Variants in COBLL1 observed in about 807,000 individuals in gnomAD.
COBLL1 encodes cordon-bleu WH2 repeat protein like 1, also known as cordon-bleu protein-like 1.
COBLL1 carries 50 observed loss-of-function variants against 94.8 expected under a neutral mutation model. The ratio of observed to expected loss-of-function variants is 0.53; its 90% CI spans 0.42 to 0.67. The LOEUF is 0.67. Among genes scored for constraint, COBLL1 ranks in the 30% least tolerant of loss-of-function variants. COBLL1 has a pLI of 0.00. For missense variants in COBLL1, 1,362 were observed against 1,348.7 expected (o/e 1.01, Z -0.15); for synonymous variants, 448 against 473.8 (o/e 0.95, Z 0.71).
rs151149474 is a variant in COBLL1, at chr2:164,736,360, C to T, written c.231-6245G>A. On this transcript the variant is annotated intron_variant, in intron 3 of 13. Coordinates refer to ENST00000652658, the MANE Select transcript of COBLL1 (RefSeq NM_001365672.2). The stretch of plus-strand genomic sequence containing the variant: ...TACCAGGTACACGAAACAAATAGAC[C>T]CATTCTCAAAATTGAGAATGCTTAT... 2.0e-3 allele frequency among the ~76,000 whole-genome samples: 306 copies of T among 151,906 alleles called. 1 individual carries two copies. Among genetic ancestry groups the T allele is most frequent in the African/African-American group, 6.3e-3 (260 of 41,420 alleles).
chr2:164,690,647 A>T (rs1014781612), intron 13 of COBLL1, among the ~76,000 whole-genome samples: 1 of 152,312 alleles, frequency 6.6e-6, no homozygotes, highest in Admixed American at 6.5e-5. Flanking sequence ...AAGGCATCGC[A>T]ATCAGTTTCT....
At chr2:164,760,908 A>G (rs761899204) in intron 2 of COBLL1, among the ~76,000 whole-genome samples, 4 of 152,174 alleles carry the variant, frequency 2.6e-5, no homozygotes, top group Non-Finnish European at 5.9e-5. Flanking sequence ...AATCTAGCAC[A>G]TTACAGTTTG....
chr2:164,731,985 T>C (rs1167786080), intron 3 of COBLL1, among the ~76,000 whole-genome samples: 1 of 152,098 alleles, frequency 6.6e-6, no homozygotes, highest in Non-Finnish European at 1.5e-5. Context: ...ACACGTTACA[T>C]AGATTTCAGA....
chr2:164,749,778 T>C (rs1448826174), intron 2 of COBLL1, among the ~76,000 whole-genome samples: 3 of 152,172 alleles, frequency 2.0e-5, no homozygotes, highest in African/African-American at 7.2e-5. Context: ...ACCCAAAACA[T>C]TATATGACTC....
At chr2:164,751,438 A>G (rs1193752756) in intron 2 of COBLL1, among the ~76,000 whole-genome samples, 2 of 152,018 alleles carry the variant, frequency 1.3e-5, no homozygotes, top group Non-Finnish European at 2.9e-5. Context: ...TAGTTTCATC[A>G]GTTCATAGGA....
intron 7 of COBLL1, chr2:164,705,410 A>T (rs2105457532): frequency 4.7e-6 from 1 of 211,658 alleles, no homozygotes; most frequent in East Asian, 1.0e-4. Flanking sequence ...TTAAAGAAAA[A>T]TCTGGAGACA....
chr2:164,712,981 T>C (rs1268717417), intron 7 of COBLL1, among the ~76,000 whole-genome samples: 2 of 152,156 alleles, frequency 1.3e-5, no homozygotes, highest in Non-Finnish European at 2.9e-5. Context: ...TGGCTTGTAT[T>C]GTATGAAAGC....
At chr2:164,784,952 A>T (rs944184776) in intron 2 of COBLL1, among the ~76,000 whole-genome samples, 5 of 151,968 alleles carry the variant, frequency 3.3e-5, no homozygotes, top group Admixed American at 6.6e-5. Context: ...CTAATGAGAG[A>T]TGTTTAGGTC....
intron 2 of COBLL1, among the ~76,000 whole-genome samples, chr2:164,797,456 G>A (rs3769910): frequency 0.36 from 54,230 of 151,918 alleles, 9,891 homozygotes; most frequent in Admixed American, 0.41. Context: ...GAATTCAGTA[G>A]GTAAATCAAC....
chr2:164,779,413 G>A (rs1470876430), intron 2 of COBLL1, among the ~76,000 whole-genome samples: 1 of 152,026 alleles, frequency 6.6e-6, no homozygotes, highest in East Asian at 1.9e-4. Context: ...GAAAAGCCAG[G>A]GAAGTTCCTT....
intron 7 of COBLL1, among the ~76,000 whole-genome samples, chr2:164,714,359 A>G (rs1685057555): frequency 7.7e-6 from 1 of 129,122 alleles, no homozygotes; most frequent in Non-Finnish European, 1.6e-5. Flanking sequence ...GCTCAATGGT[A>G]CATCTTGGAT....
chr2:164,727,054 A>C, intron 5 of COBLL1: 2 of 940,058 alleles, frequency 2.1e-6, no homozygotes, highest in South Asian at 3.5e-5. Context: ...GCTTAATTTC[A>C]ATATATCCAA....
At chr2:164,766,074 C>A (rs979222076) in intron 2 of COBLL1, among the ~76,000 whole-genome samples, 3 of 152,086 alleles carry the variant, frequency 2.0e-5, no homozygotes, top group African/African-American at 7.2e-5. Flanking sequence ...ATGGCTTCTT[C>A]CACTGAAGCA....
chr2:164,688,585 G>T (rs999302278), intron 13 of COBLL1, among the ~76,000 whole-genome samples: 2 of 151,992 alleles, frequency 1.3e-5, no homozygotes, highest in African/African-American at 2.4e-5. Context: ...GCATTTTTAG[G>T]AATTTCACAT....
Position 164,704,504 on chromosome 2 carries a change from C to A in COBLL1, c.1165G>T (p.Asp389Tyr). 6.2e-7 allele frequency: 1 copy of A among 1,613,198 alleles called. No individual in the cohort carries two copies. The highest frequency in any genetic ancestry group is 8.5e-7 in the Non-Finnish European group (1 of 1,179,210). ...GAAGCACTGTCTGGAGGAACTCCATCTACTGGCTGTAAGGCTAAAGGAAAG... is the reference window on the plus strand; with the variant it reads ...GAAGCACTGTCTGGAGGAACTCCATATACTGGCTGTAAGGCTAAAGGAAAG... ...NSRVTALQPV[D>Y]GVPPDSASEA... Residue 389 changes from aspartate (D) to tyrosine (Y), a missense_variant, in exon 9 of 14, where the codon GAT (aspartate) becomes TAT (tyrosine). By Grantham distance (160) the Asp-to-Tyr change is radical (BLOSUM62 -3). Coordinates refer to ENST00000652658, the MANE Select transcript of COBLL1 (RefSeq NM_001365672.2).
At chr2:164,717,734 A>C (rs1242419647) in intron 7 of COBLL1, among the ~76,000 whole-genome samples, 1 of 151,808 alleles carries the variant, frequency 6.6e-6, no homozygotes, top group African/African-American at 2.4e-5. Flanking sequence ...ATTTTATTTT[A>C]TTATTTTTTG....
At chr2:164,672,281 T>C (rs1376789711) in intron 1 of COBLL1, among the ~76,000 whole-genome samples, 9 of 152,240 alleles carry the variant, frequency 5.9e-5, no homozygotes, top group Non-Finnish European at 1.2e-4. Flanking sequence ...CAGTGCCTCC[T>C]GAATGAGATC....
rs578136478 is a variant in COBLL1 at position 164,766,704 on chromosome 2, A to G, written c.42-22829T>C. 5.2e-3 allele frequency among the ~76,000 whole-genome samples: 791 copies of G among 152,308 alleles called. 11 individuals carry two copies. The highest frequency in any genetic ancestry group is 0.018 in the African/African-American group (730 of 41,552). ...GAACTAATACAGTATGTCATTCTTA[A>G]GACTTCACAGCATAGATATATAGCA... On this transcript the variant is annotated intron_variant, in intron 2 of 13. Transcript: ENST00000652658.
intron 2 of COBLL1, among the ~76,000 whole-genome samples, chr2:164,793,963 T>C (rs1683313379): frequency 6.6e-6 from 1 of 152,254 alleles, no homozygotes; most frequent in African/African-American, 2.4e-5. Flanking sequence ...CAGAAAGTTT[T>C]ATCAGATGGT....
Sources: allele counts gnomAD v4.1 joint callset (sites outside exome capture counted in the v4.1 genomes callset), GRCh38; gene constraint gnomAD v4.1.1; transcripts MANE v1.5; gene names NCBI Gene and HGNC (gene_info 2026-07-23, HGNC 2026-07-21).